P4HB: variants seen among roughly 807,000 people sequenced by gnomAD.
P4HB encodes protein disulfide-isomerase.
In P4HB, 20 loss-of-function variants were observed where a neutral mutation model predicts 52.6. The ratio of observed to expected loss-of-function variants is 0.38; its 90% confidence interval spans 0.27 to 0.55. P4HB has a LOEUF of 0.55. Among genes scored for constraint, P4HB ranks in the 20% least tolerant of loss-of-function variants. The probability of loss-of-function intolerance (pLI) is 0.74; values close to 1 mark genes in which losing one functional copy is unlikely to be tolerated. For synonymous variants in P4HB, 296 were observed against 277.9 expected (o/e 1.07, Z -0.65); for missense variants, 601 against 669.2 (o/e 0.90, Z 1.12).
intron 5 of P4HB, 26 bp from the exon 6 acceptor site, chr17:81,847,098 G>GT: frequency 6.2e-7 from 1 of 1,613,712 alleles, no homozygotes; most frequent in Non-Finnish European, 8.5e-7. Context: ...AAGTTACTGG[G>GT]TCTGAGTCAC....
chr17:81,845,615 G>A lies in P4HB; in HGVS notation c.1305C>T (p.Val435=), dbSNP rs1240272371. The A allele has an allele frequency of 6.2e-7, 1 of 1,612,804 alleles. No homozygotes were observed. The highest frequency in any genetic ancestry group is 1.3e-5 in the African/African-American group (1 of 74,926). The change falls in exon 9 of 11, where the codon GTC becomes GTT. Residue 435 remains valine (V), a synonymous_variant. Coordinates refer to ENST00000331483, the MANE Select transcript of P4HB (RefSeq NM_000918.4). ...TGAGTGTGGGGAAGCTGTGCACTTT[G>A]ACGGCCTCCACCTCGTTGGCAGTCG... is the stretch of plus-strand genomic sequence containing the variant. ...MDSTANEVEA[V]KVHSFPTLKF...
chr17:81,848,250 C>T (rs2038769575), intron 4 of P4HB, among the ~76,000 whole-genome samples: 1 of 152,220 alleles, frequency 6.6e-6, no homozygotes, highest in African/African-American at 2.4e-5. Context: ...CCTTTTCACT[C>T]TCCCTCTCAC....
At chr17:81,848,306 CAAGAGCAG>C (rs904111246) in intron 4 of P4HB, among the ~76,000 whole-genome samples, 1 of 152,204 alleles carries the variant, frequency 6.6e-6, no homozygotes, top group Non-Finnish European at 1.5e-5. Flanking sequence ...CATGGTGTCG[CAAGAGCAG>C]GAGGGCAGGA....
chr17:81,846,733 C>A lies in P4HB; in HGVS notation c.856-104G>T. Reference sequence around the variant, plus strand: ...ACCGTGCTCCGGTGCCTTTTTCCTCCAACCTGGATTCCGGGGTTGCCCAAC... The same window carrying A: ...ACCGTGCTCCGGTGCCTTTTTCCTCAAACCTGGATTCCGGGGTTGCCCAAC... On this transcript the variant is annotated intron_variant, in intron 6 of 10. Transcript: ENST00000331483. The surrounding 1 kb of genome is among the most constrained non-coding windows in gnomAD (Gnocchi z 5.7). The A allele has an allele frequency of 7.6e-7, 1 of 1,309,822 alleles. No individual in the cohort carries two copies. Among genetic ancestry groups the A allele is most frequent in the South Asian group, 1.2e-5 (1 of 80,030 alleles). 81.1% of individuals were successfully genotyped at this position (1,309,822 alleles called of 1,614,324 possible). A position where few individuals can be genotyped will look rare whatever the true frequency, so the allele number is the denominator to read the frequency against.
chr17:81,855,509 C>G lies in P4HB; in HGVS notation c.430G>C (p.Ala144Pro). ...GACTCCACCAAGGACTCTGCAGCTG[C>G]GCCGTCAGGCAGGGTGGTGGCAGCC... ...GPAATTLPDG[A>P]AAESLVESSE... Residue 144 changes from alanine (A) to proline (P), a missense_variant, in exon 3 of 11, where the codon GCA (alanine) becomes CCA (proline). Physicochemically the swap from Ala to Pro is conservative, Grantham distance 27. Transcript: ENST00000331483. This position sits in a 1 kb window ranked among gnomAD's most constrained non-coding sequence, Gnocchi z 4.3. 3.1e-6 allele frequency: 5 copies of G among 1,613,942 alleles called. No individual in the cohort carries two copies. Among genetic ancestry groups the G allele is most frequent in the Non-Finnish European group, 3.4e-6 (4 of 1,179,996 alleles).
chr17:81,858,013 C>T (rs950382225), intron 2 of P4HB, among the ~76,000 whole-genome samples: 13 of 152,086 alleles, frequency 8.5e-5, no homozygotes, highest in Non-Finnish European at 1.6e-4. Context: ...ACATCAATCA[C>T]GCCTGTAATC....
intron 4 of P4HB, among the ~76,000 whole-genome samples, chr17:81,850,124 G>C (rs1317331777): frequency 6.6e-6 from 1 of 150,486 alleles, no homozygotes; most frequent in African/African-American, 2.4e-5. Flanking sequence ...CACTGAGCCC[G>C]GCCCAAACTA....
chr17:81,851,120 C>T (rs189622423), intron 4 of P4HB, among the ~76,000 whole-genome samples: 2,579 of 152,040 alleles, frequency 0.017, 59 homozygotes, highest in African/African-American at 0.059. Flanking sequence ...TTAGTAGAGA[C>T]GGGGTTTCAC....
rs2038979640 is a variant in P4HB at position 81,860,324 on chromosome 17, C to T, written c.145+3G>A. ...CCGCCCGCCCGCCAGGCCCGGCGCT[C>T]ACAGAACTCCACCAGCAGGTACTTG... On this transcript the variant is annotated splice_donor_region_variant and intron_variant, in intron 1 of 10. Coordinates refer to ENST00000331483, the MANE Select transcript of P4HB (RefSeq NM_000918.4). The T allele has an allele frequency of 1.2e-5, 17 of 1,459,964 alleles. No homozygotes were observed. The highest frequency in any genetic ancestry group is 1.5e-5 in the Non-Finnish European group (17 of 1,103,884). The allele number at this position is 1,459,964 out of a possible 1,614,324, so 90.4% of individuals were successfully genotyped here.
Position 81,846,020 on chromosome 17 carries a change from G to A in P4HB, c.1057-29C>T. 4 of 1,585,690 alleles carry A rather than the reference G, an allele frequency of 2.5e-6. No homozygotes were observed. The highest frequency in any genetic ancestry group is 2.3e-5 in the East Asian group (1 of 44,258). On this transcript the variant is annotated intron_variant, in intron 7 of 10. Coordinates refer to ENST00000331483, the MANE Select transcript of P4HB (RefSeq NM_000918.4). The surrounding 1 kb of genome is among the most constrained non-coding windows in gnomAD (Gnocchi z 5.7). ...GAGGGCAGGCAGGGCACGGTGAGGGGCGGCGATGCCTGGGGGACCACAGAG... is the reference window on the plus strand; with the variant it reads ...GAGGGCAGGCAGGGCACGGTGAGGGACGGCGATGCCTGGGGGACCACAGAG...
In P4HB at chr17:81,843,562, C is replaced by A; in HGVS notation, c.*450G>T. 1 of 431,800 alleles carries A rather than the reference C, an allele frequency of 2.3e-6. No homozygotes were observed. The highest frequency in any genetic ancestry group is 7.7e-5 in the South Asian group (1 of 13,060). 26.7% of individuals were successfully genotyped at this position (431,800 alleles called of 1,614,324 possible). A position where few individuals can be genotyped will look rare whatever the true frequency, so the allele number is the denominator to read the frequency against. On this transcript the variant is annotated 3_prime_UTR_variant, in exon 11 of 11. Transcript: ENST00000331483. The stretch of plus-strand genomic sequence containing the variant: ...TGAGTGACCATGTCCAGTCCGGCTC[C>A]GTCCCTCCCACACGGGGGACAAGCT...
intron 1 of P4HB, chr17:81,859,961 G>A (rs777474660): frequency 1.2e-4 from 24 of 204,786 alleles, no homozygotes; most frequent in Non-Finnish European, 2.0e-4. Context: ...CGGAAGGACT[G>A]CTGTGGCAAG....
rs553971665 is a variant in P4HB at position 81,857,842 on chromosome 17, G to T, written c.352+1339C>A. Among the ~76,000 whole-genome samples the T allele has an allele frequency of 2.6e-5, 4 of 152,308 alleles. No homozygotes were observed. In the South Asian group the frequency reaches 8.3e-4, roughly 32 times the overall value. ...GTCCGAATCGGGAAAACCCCATTCA[G>T]ATGTAGAAGGATTCCACCAGTGCTA... On this transcript the variant is annotated intron_variant, in intron 2 of 10. Coordinates refer to ENST00000331483, the MANE Select transcript of P4HB (RefSeq NM_000918.4).
Position 81,860,253 on chromosome 17 carries a change from C to T in P4HB, c.145+74G>A, listed in dbSNP as rs972575526. 47 of 1,235,114 alleles carry T rather than the reference C, an allele frequency of 3.8e-5. No homozygotes were observed. In the African/African-American group the frequency reaches 7.0e-4, roughly 18 times the overall value. The allele number at this position is 1,235,114 out of a possible 1,614,324, so 76.5% of individuals were successfully genotyped here. On this transcript the variant is annotated intron_variant, in intron 1 of 10. Transcript: ENST00000331483. ...CGGGGGTCCCGACCCCGGGGGCTGC[C>T]GGGCCGTGCCTGCGTCCCAAGAGCC...
At chr17:81,856,900 G>T (rs1265262149) in intron 2 of P4HB, among the ~76,000 whole-genome samples, 16 of 151,952 alleles carry the variant, frequency 1.1e-4, no homozygotes, top group African/African-American at 3.9e-4. Context: ...CGCCCGCCTC[G>T]GCCTCCCAAA....
At chr17:81,848,597 G>A (rs1022251440) in intron 4 of P4HB, among the ~76,000 whole-genome samples, 1 of 151,724 alleles carries the variant, frequency 6.6e-6, no homozygotes, top group Non-Finnish European at 1.5e-5. Flanking sequence ...TAAGCTGGGC[G>A]TGGTGGCGGG....
intron 2 of P4HB, 188 bp downstream of exon 2, chr17:81,858,993 T>C: frequency 1.7e-6 from 1 of 600,278 alleles, no homozygotes; most frequent in South Asian, 2.0e-5. Flanking sequence ...TCGAAGGTTC[T>C]TCCAGGATGA....
rs569480437 is a variant in P4HB at position 81,849,518 on chromosome 17, TAGAG to T, written c.625-2175_625-2172del. ...TCAAAAAATAAAAAATAAAAATAAA[TAGAG>T]AGAAAAAAACGATTTTTTACATTCT... On this transcript the variant is annotated intron_variant, in intron 4 of 10. Coordinates refer to ENST00000331483, the MANE Select transcript of P4HB (RefSeq NM_000918.4). Among the ~76,000 whole-genome samples the T allele has an allele frequency of 3.0e-3, 449 of 151,976 alleles. 1 individual carries two copies. Among genetic ancestry groups the T allele is most frequent in the Non-Finnish European group, 5.0e-3 (340 of 67,982 alleles).
chr17:81,858,472 T>C (rs968296572), intron 2 of P4HB, among the ~76,000 whole-genome samples: 1 of 152,092 alleles, frequency 6.6e-6, no homozygotes, highest in Non-Finnish European at 1.5e-5. Context: ...AACACTGGAA[T>C]GAGCTGCTTT....
Sources: allele counts gnomAD v4.1 joint callset (sites outside exome capture counted in the v4.1 genomes callset), GRCh38; gene constraint gnomAD v4.1.1; non-coding constraint Gnocchi (gnomAD v3.1); transcripts MANE v1.5; gene names NCBI Gene and HGNC (gene_info 2026-07-23, HGNC 2026-07-21).